NFAT5: variants seen among roughly 807,000 people sequenced by gnomAD.
NFAT5 encodes nuclear factor of activated T-cells 5.
A neutral mutation model predicts 166.5 loss-of-function variants in NFAT5; 31 were observed. The observed-to-expected ratio is 0.19, with a 90% CI of 0.14 to 0.25. The LOEUF is 0.25. Ranked by LOEUF, NFAT5 falls within the 10% of genes least tolerant of loss-of-function variation. The pLI, the probability that NFAT5 is intolerant of heterozygous loss-of-function variation, is 1.00. For synonymous variants in NFAT5, 612 were observed against 639.7 expected (o/e 0.96, Z 0.65); for missense variants, 1,449 against 1,821.8 (o/e 0.80, Z 3.72).
intron 2 of NFAT5, among the ~76,000 whole-genome samples, chr16:69,607,504 T>G (rs2033477482): frequency 6.6e-6 from 1 of 152,262 alleles, no homozygotes; most frequent in African/African-American, 2.4e-5. Flanking sequence ...CTTTTAACAA[T>G]GATATTGACA....
intron 2 of NFAT5, among the ~76,000 whole-genome samples, chr16:69,572,867 A>G (rs1393745680): frequency 6.6e-6 from 1 of 152,134 alleles, no homozygotes; most frequent in Non-Finnish European, 1.5e-5. Context: ...TTTTTGATAC[A>G]GAGTCTCACT....
chr16:69,618,214 T>C (rs1312835888), intron 2 of NFAT5, among the ~76,000 whole-genome samples: 1 of 151,946 alleles, frequency 6.6e-6, no homozygotes, highest in Non-Finnish European at 1.5e-5. Flanking sequence ...TTCCCCAAAT[T>C]GATATAATTT....
chr16:69,693,102 C>A lies in NFAT5; in HGVS notation c.3277C>A (p.Gln1093Lys). Residue 1093 changes from glutamine to lysine, a missense_variant, in exon 13 of 15, where the codon CAA becomes AAA. By Grantham distance (53) the Gln-to-Lys change is moderately conservative (BLOSUM62 1). Coordinates refer to ENST00000349945, the MANE Select transcript of NFAT5 (RefSeq NM_138713.4). ...SHSQAQLFHP[Q>K]NPIADAQNLS... ...TTCACAGGCCCAACTTTTTCATCCT[C>A]AAAATCCTATTGCCGATGCTCAGAA... 6.2e-7 allele frequency: 1 copy of A among 1,614,142 alleles called. No individual in the cohort carries two copies. The highest frequency in any genetic ancestry group is 8.5e-7 in the Non-Finnish European group (1 of 1,180,038).
intron 3 of NFAT5, among the ~76,000 whole-genome samples, chr16:69,628,527 T>G (rs1265489612): frequency 6.6e-6 from 1 of 152,176 alleles, no homozygotes; most frequent in African/African-American, 2.4e-5. Context: ...TCTAATAGCT[T>G]AGAAAGAGCA....
At chr16:69,601,564 G>C (rs1004871930) in intron 2 of NFAT5, among the ~76,000 whole-genome samples, 3 of 152,058 alleles carry the variant, frequency 2.0e-5, no homozygotes, top group Admixed American at 6.6e-5. Flanking sequence ...TGTAGAGACA[G>C]GATCTCGCTA....
In NFAT5 at chr16:69,647,590, G is replaced by A. The variant is rs752147639; in HGVS notation, c.812+4G>A. ...GCAACTCAAAAGCGGGAAATGGGTT[G>A]GTATTCACATTTTTTAAAATTCTAT... On this transcript the variant is annotated splice_donor_region_variant and intron_variant, in intron 4 of 14. Transcript: ENST00000349945. This position sits in a 1 kb window ranked among gnomAD's most constrained non-coding sequence, Gnocchi z 4.8. 1 of 1,546,268 alleles carries A rather than the reference G, an allele frequency of 6.5e-7. No homozygotes were observed. Among genetic ancestry groups the A allele is most frequent in the Non-Finnish European group, 8.7e-7 (1 of 1,151,884 alleles).
At chr16:69,600,593 G>T (rs2033073958) in intron 2 of NFAT5, among the ~76,000 whole-genome samples, 1 of 152,054 alleles carries the variant, frequency 6.6e-6, no homozygotes, top group Non-Finnish European at 1.5e-5. Context: ...TGAGCCCAAA[G>T]AGGTAAGGAT....
intron 9 of NFAT5, 80 bp downstream of exon 9, chr16:69,670,368 A>G (rs962607603): frequency 6.0e-6 from 5 of 837,858 alleles, no homozygotes; most frequent in South Asian, 1.6e-5. Context: ...TCCTGAATCA[A>G]TAGATTAAAT....
At chr16:69,609,116 G>T (rs1187483350) in intron 2 of NFAT5, among the ~76,000 whole-genome samples, 4 of 149,538 alleles carry the variant, frequency 2.7e-5, no homozygotes, top group Admixed American at 6.6e-5. Context: ...GTGAGACTCC[G>T]CCTCAAAAAA....
intron 2 of NFAT5, among the ~76,000 whole-genome samples, chr16:69,625,961 A>AAT (rs1567551484): frequency 1.4e-5 from 2 of 145,964 alleles, no homozygotes; most frequent in African/African-American, 4.9e-5. Context: ...AAATAAAAAA[A>AAT]TTTTTTTTTT....
chr16:69,651,249 G>A (rs557520939), intron 4 of NFAT5, among the ~76,000 whole-genome samples: 2 of 152,194 alleles, frequency 1.3e-5, no homozygotes, highest in African/African-American at 4.8e-5. Flanking sequence ...CCAGGTTCAG[G>A]GAATATAAAG....
chr16:69,651,869 A>G (rs2151629959), intron 4 of NFAT5, among the ~76,000 whole-genome samples: 1 of 151,966 alleles, frequency 6.6e-6, no homozygotes, highest in East Asian at 2.0e-4. Flanking sequence ...ACGGGGTTTC[A>G]CCATGTTGGC....
intron 2 of NFAT5, among the ~76,000 whole-genome samples, chr16:69,591,095 C>T (rs1232825189): frequency 6.6e-6 from 1 of 152,088 alleles, no homozygotes; most frequent in African/African-American, 2.4e-5. Context: ...CCATGCCTGG[C>T]TAATTTTTCT....
At position 69,692,934 on chromosome 16, in the gene NFAT5, C is replaced by T. The variant is rs1409592422; in HGVS notation, c.3109C>T (p.Pro1037Ser). 2 of 1,614,162 alleles carry T rather than the reference C, an allele frequency of 1.2e-6. No individual in the cohort carries two copies. The highest frequency in any genetic ancestry group is 1.1e-5 in the South Asian group (1 of 91,082). ...AATGCAACATAGTGGGGACAATCAA[C>T]CTCAAGTTAACCTTTTTTCATCCAC... The part of the protein sequence containing the change: ...VQMQHSGDNQ[P>S]QVNLFSSTKS... The change falls in exon 13 of 15, where the codon CCT becomes TCT. Residue 1037 changes from proline (P) to serine (S), a missense_variant. Physicochemically the swap from Pro to Ser is moderately conservative, Grantham distance 74. Around this residue, in one of 7 missense-constraint regions of NFAT5, gnomAD observed 891 missense variants for 993.0 expected, o/e 0.90. Transcript: ENST00000349945.
intron 4 of NFAT5, among the ~76,000 whole-genome samples, chr16:69,650,422 A>G (rs1376473877): frequency 6.6e-6 from 1 of 152,242 alleles, no homozygotes; most frequent in Non-Finnish European, 1.5e-5. Context: ...TAGAAAAAAA[A>G]GATAGTTTTA....
At position 69,618,850 on chromosome 16, in the gene NFAT5, A is replaced by C. The variant is rs184940754; in HGVS notation, c.128-7553A>C. Among the ~76,000 whole-genome samples the C allele has an allele frequency of 2.8e-4, 43 of 152,314 alleles. No homozygotes were observed. The East Asian group carries it at 6.6e-3, about 23-fold the overall frequency. ...CATATCAGAGAGCATTCATTGTTTG[A>C]GTAACTAATATCTGTTGTGAGCATT... On this transcript the variant is annotated intron_variant, in intron 2 of 14. Transcript: ENST00000349945.
chr16:69,682,443 C>CG (rs1186900870), intron 10 of NFAT5, among the ~76,000 whole-genome samples: 11 of 148,364 alleles, frequency 7.4e-5, no homozygotes, highest in African/African-American at 2.7e-4. Context: ...CCCCCCCCCC[C>CG]GCCATCCCTA....
At chr16:69,628,760 T>C (rs1361119183) in intron 3 of NFAT5, among the ~76,000 whole-genome samples, 2 of 152,168 alleles carry the variant, frequency 1.3e-5, no homozygotes, top group African/African-American at 2.4e-5. Flanking sequence ...TAGACTTGTA[T>C]GGGTTTTTAA....
intron 2 of NFAT5, among the ~76,000 whole-genome samples, chr16:69,577,766 G>A (rs1055056384): frequency 6.6e-6 from 1 of 152,120 alleles, no homozygotes; most frequent in Non-Finnish European, 1.5e-5. Flanking sequence ...TAAAATGGGT[G>A]CATTTCTATA....
Sources: allele counts gnomAD v4.1 joint callset (sites outside exome capture counted in the v4.1 genomes callset), GRCh38; gene constraint gnomAD v4.1.1; regional missense constraint gnomAD v4.1.1; non-coding constraint Gnocchi (gnomAD v3.1); transcripts MANE v1.5; gene names NCBI Gene and HGNC (gene_info 2026-07-23, HGNC 2026-07-21).